Variants in PTK2 observed in about 807,000 individuals in gnomAD.
PTK2 encodes protein tyrosine kinase 2.
A neutral mutation model predicts 150.1 loss-of-function variants in PTK2; 45 were observed. That is an observed-to-expected ratio of 0.30 (90% confidence interval 0.24 to 0.38). The LOEUF (loss-of-function observed/expected upper bound fraction) is 0.38, where lower values mean the gene tolerates loss of function less well. PTK2 is among the 10% of genes least tolerant of loss of function. PTK2 has a pLI of 1.00. For missense variants in PTK2, 919 were observed against 1,307.3 expected (o/e 0.70, Z 4.58); for synonymous variants, 432 against 449.2 (o/e 0.96, Z 0.48).
chr8:140,789,358 G>T, intron 14 of PTK2, 116 bp downstream of exon 14: 1 of 940,526 alleles, frequency 1.1e-6, no homozygotes, highest in Non-Finnish European at 1.5e-6. Flanking sequence ...TGGATAGCCA[G>T]AATGCTTATT....
At chr8:140,800,725 A>T in intron 11 of PTK2, 149 bp from the exon 12 acceptor site, 1 of 631,090 alleles carries the variant, frequency 1.6e-6, no homozygotes, top group Non-Finnish European at 2.8e-6. Context: ...TGAGAAAGGA[A>T]ATCTGATATT....
chr8:140,662,267 A>G (rs1296564591), intron 31 of PTK2, among the ~76,000 whole-genome samples: 3 of 152,036 alleles, frequency 2.0e-5, no homozygotes, highest in Non-Finnish European at 4.4e-5. Flanking sequence ...ACTGCATTCC[A>G]GCCTGGGTGA....
At chr8:140,994,533 G>C (rs1317588724) in intron 1 of PTK2, among the ~76,000 whole-genome samples, 1 of 152,052 alleles carries the variant, frequency 6.6e-6, no homozygotes, top group Non-Finnish European at 1.5e-5. Flanking sequence ...TATTTTTAGA[G>C]GCAGGGTCTC....
At chr8:140,736,431 C>T (rs2100052655) in intron 21 of PTK2, among the ~76,000 whole-genome samples, 1 of 151,592 alleles carries the variant, frequency 6.6e-6, no homozygotes, top group Non-Finnish European at 1.5e-5. Flanking sequence ...ACTATGTTCA[C>T]TATTTGGGTG....
intron 29 of PTK2, among the ~76,000 whole-genome samples, chr8:140,671,261 G>A (rs745701719): frequency 2.6e-5 from 4 of 152,138 alleles, no homozygotes; most frequent in East Asian, 1.9e-4. Flanking sequence ...TCGCTCTGTC[G>A]CCCAGGCTGG....
At chr8:140,860,258 C>T (rs1432628218) in intron 5 of PTK2, among the ~76,000 whole-genome samples, 1 of 152,032 alleles carries the variant, frequency 6.6e-6, no homozygotes, top group Non-Finnish European at 1.5e-5. Flanking sequence ...TTATAAGCAC[C>T]CTTGTACATG....
chr8:140,691,159 G>C (rs1315470248), intron 26 of PTK2, among the ~76,000 whole-genome samples: 3 of 149,378 alleles, frequency 2.0e-5, no homozygotes, highest in Non-Finnish European at 4.5e-5. Context: ...TATTTCCCTG[G>C]GACAGATTTC....
chr8:140,737,377 A>C (rs1372365162), intron 21 of PTK2, among the ~76,000 whole-genome samples: 1 of 152,212 alleles, frequency 6.6e-6, no homozygotes, highest in African/African-American at 2.4e-5. Flanking sequence ...TACTAGCATT[A>C]CAGGCATGAG....
At chr8:140,694,473 C>G (rs1021274660) in intron 26 of PTK2, among the ~76,000 whole-genome samples, 1 of 152,146 alleles carries the variant, frequency 6.6e-6, no homozygotes, top group African/African-American at 2.4e-5. Context: ...GAGTATTGGT[C>G]TGCAACGGTT....
exon 11 of PTK2, chr8:140,803,635 C>A (rs750875504): frequency 6.2e-7 from 1 of 1,613,572 alleles, no homozygotes; most frequent in Non-Finnish European, 8.5e-7. Flanking sequence ...TGAGTGAAGT[C>A]AGCAAGATGT....
At position 140,980,322 on chromosome 8, in the gene PTK2, T is replaced by A. The variant is rs9324540; in HGVS notation, c.-122+20803A>T. On this transcript the variant is annotated intron_variant, in intron 1 of 31. Coordinates refer to ENST00000522684, the Ensembl canonical transcript of PTK2. ...TATAAAGACATATAGCATGATACCC[T>A]TAGTATAAAGTTCGGCCGGGCACGG... is the stretch of plus-strand genomic sequence containing the variant. 2.0e-5 allele frequency among the ~76,000 whole-genome samples: 3 copies of A among 152,132 alleles called. No homozygotes were observed. In the East Asian group the frequency reaches 5.8e-4, roughly 29 times the overall value.
At chr8:140,848,592 C>G (rs546492294) in intron 5 of PTK2, among the ~76,000 whole-genome samples, 2 of 152,094 alleles carry the variant, frequency 1.3e-5, no homozygotes, top group Non-Finnish European at 2.9e-5. Flanking sequence ...ACTGACCAAC[C>G]GGAACTGAAT....
At chr8:140,748,214 C>CT (rs775525359) in intron 17 of PTK2, among the ~76,000 whole-genome samples, 2 of 152,174 alleles carry the variant, frequency 1.3e-5, no homozygotes, top group Admixed American at 6.5e-5. Flanking sequence ...AGACTTTCTA[C>CT]TGGGCATGGT....
intron 2 of PTK2, among the ~76,000 whole-genome samples, chr8:140,900,972 C>A (rs1322202689): frequency 6.6e-6 from 1 of 151,884 alleles, no homozygotes; most frequent in Non-Finnish European, 1.5e-5. Flanking sequence ...GCAAAAAGAA[C>A]AAAGCTGGAG....
chr8:140,991,260 C>A (rs536996078), intron 1 of PTK2, among the ~76,000 whole-genome samples: 1 of 152,158 alleles, frequency 6.6e-6, no homozygotes, highest in Non-Finnish European at 1.5e-5. Flanking sequence ...ATCACCCTGA[C>A]CCTGTTATTA....
At chr8:140,673,762 T>G (rs2100011997) in intron 29 of PTK2, among the ~76,000 whole-genome samples, 1 of 152,194 alleles carries the variant, frequency 6.6e-6, no homozygotes, top group Admixed American at 6.5e-5. Flanking sequence ...GACTTCTGAC[T>G]GCCAAACTCA....
chr8:140,870,490 T>C (rs964422886), intron 4 of PTK2, among the ~76,000 whole-genome samples: 1 of 152,058 alleles, frequency 6.6e-6, no homozygotes, highest in African/African-American at 2.4e-5. Flanking sequence ...ACCCACATAA[T>C]AGCAATATAT....
chr8:140,807,597 G>A lies in PTK2; in HGVS notation c.868-3947C>T, dbSNP rs577132728. On this transcript the variant is annotated intron_variant, in intron 10 of 31. Transcript: ENST00000522684. ...ACACACAGCTATGGAGCACCCAGTG[G>A]TATGTGGCTCCTCCAGGCTGAGATA... Among the ~76,000 whole-genome samples the A allele has an allele frequency of 5.9e-5, 9 of 152,314 alleles. No individual in the cohort carries two copies. In the South Asian group the frequency reaches 1.9e-3, roughly 32 times the overall value.
chr8:140,821,655 A>C (rs2100108652), intron 8 of PTK2: 1 of 152,274 alleles, frequency 6.6e-6, no homozygotes, highest in African/African-American at 2.4e-5. Flanking sequence ...ATTTAAATAC[A>C]TGGGACTAGA....
Sources: gnomAD v4.1 joint callset for allele counts (sites outside exome capture counted in the v4.1 genomes callset) on GRCh38, gnomAD v4.1.1 for gene constraint, MANE v1.5 for transcripts, NCBI Gene and HGNC (gene_info 2026-07-23, HGNC 2026-07-21) for gene names.